The following KLHL21 variants were observed in gnomAD, a reference collection of about 807,000 sequenced individuals.
KLHL21 encodes the protein kelch like family member 21, also known as kelch-like protein 21.
In KLHL21, 42 loss-of-function variants were observed where a neutral mutation model predicts 44.1. That is an observed-to-expected ratio of 0.95 (90% CI 0.74 to 1.23). KLHL21 has a LOEUF of 1.23. KLHL21 is among the 50% of genes most tolerant of loss of function. The pLI, the probability that KLHL21 is intolerant of heterozygous loss-of-function variation, is 0.00. For missense variants in KLHL21, 918 were observed against 889.1 expected (o/e 1.03, Z -0.41); for synonymous variants, 524 against 411.6 (o/e 1.27, Z -3.31).
At position 6,602,451 on chromosome 1, in the gene KLHL21, C is replaced by A; in HGVS notation, c.367G>T (p.Glu123Ter). ...TGCTGCAGGAAGGCCCCGCACGCCTCCTTCACGGCCGGGAACTGCAGCAGG... is the reference window on the plus strand; with the variant it reads ...TGCTGCAGGAAGGCCCCGCACGCCTACTTCACGGCCGGGAACTGCAGCAGG... ...ADLLQFPAVK[E>*]ACGAFLQQQL... The change falls in exon 1 of 4, where the codon GAG (glutamate) becomes TAG (stop). Residue 123 changes from glutamate to a stop codon, truncating the protein, a stop_gained. Transcript: ENST00000377658. LOFTEE classifies it high-confidence loss of function. 6.3e-7 allele frequency: 1 copy of A among 1,583,786 alleles called. No individual in the cohort carries two copies. The highest frequency in any genetic ancestry group is 2.3e-5 in the East Asian group (1 of 43,336).
chr1:6,591,245 T>G lies in KLHL21; in HGVS notation c.*2120A>C, dbSNP rs1640845522. On this transcript the variant is annotated 3_prime_UTR_variant, in exon 4 of 4. Transcript: ENST00000377658. ...AAACCCAAAGACAGGGTCCTGATGG[T>G]GGAGACCTGGGTAGGTCCGGAGGAC... 2.7e-6 allele frequency: 1 copy of G among 370,274 alleles called. No individual in the cohort carries two copies. The highest frequency in any genetic ancestry group is 4.6e-5 in the Admixed American group (1 of 21,708). The allele number at this position is 370,274 out of a possible 1,614,324, so 22.9% of individuals were successfully genotyped here. A position where few individuals can be genotyped will look rare whatever the true frequency, so the allele number is the denominator to read the frequency against.
Position 6,602,129 on chromosome 1 carries a change from C to T in KLHL21, c.689G>A (p.Arg230His), listed in dbSNP as rs1171371320. ...LLEAVRLPFV[R>H]RFYLLAHVEA... is the part of the protein sequence containing the mutation. ...GACGTGCGCCAACAGGTAGAAGCGGCGCACGAAGGGCAGGCGCACGGCCTC... is the reference window on the plus strand; with the variant it reads ...GACGTGCGCCAACAGGTAGAAGCGGTGCACGAAGGGCAGGCGCACGGCCTC... Residue 230 changes from arginine (R) to histidine (H), a missense_variant, in exon 1 of 4, where the codon CGC becomes CAC. Physicochemically the swap from Arg to His is conservative, Grantham distance 29. Transcript: ENST00000377658. The T allele has an allele frequency of 2.1e-6, 3 of 1,431,086 alleles. No individual in the cohort carries two copies. Among genetic ancestry groups the T allele is most frequent in the Non-Finnish European group, 1.8e-6 (2 of 1,100,722 alleles). The allele number at this position is 1,431,086 out of a possible 1,614,324, so 88.6% of individuals were successfully genotyped here. A position where few individuals can be genotyped will look rare whatever the true frequency, so the allele number is the denominator to read the frequency against.
rs552573955 is a variant in KLHL21, at chr1:6,600,686, G to A, written c.1021+1111C>T. The stretch of plus-strand genomic sequence containing the variant: ...CTGCTCTGCTGGGACATTTATGGAA[G>A]GGTGTGCAGAAAGCTGGGGCCAGTG... On this transcript the variant is annotated intron_variant, in intron 1 of 3. Transcript: ENST00000377658. Among the ~76,000 whole-genome samples the A allele has an allele frequency of 2.0e-5, 3 of 152,374 alleles. No homozygotes were observed. The East Asian group carries it at 5.8e-4, about 29-fold the overall frequency.
intron 2 of KLHL21, among the ~76,000 whole-genome samples, chr1:6,597,847 G>A (rs1640948242): frequency 6.6e-6 from 1 of 152,270 alleles, no homozygotes. Context: ...TAGGCTGGGA[G>A]GGAGCAGCAG....
chr1:6,597,268 A>G (rs552645457), intron 2 of KLHL21, among the ~76,000 whole-genome samples: 53 of 152,272 alleles, frequency 3.5e-4, no homozygotes, highest in African/African-American at 1.2e-3. Flanking sequence ...GGGAAGGTTA[A>G]CCCAGCAGGC....
At position 6,593,393 on chromosome 1, in the gene KLHL21, G is replaced by C; in HGVS notation, c.1766C>G (p.Pro589Arg). ...SDDMDPGRPRPPRDPDELH is the reference protein window; with the variant it reads ...SDDMDPGRPRRPRDPDELH ...GTGCAGCTCATCGGGGTCCCGCGGCGGCCGGGGTCGGCCTGGGTCCATGTC... is the reference window on the plus strand; with the variant it reads ...GTGCAGCTCATCGGGGTCCCGCGGCCGCCGGGGTCGGCCTGGGTCCATGTC... Residue 589 changes from proline (P) to arginine (R), a missense_variant, in exon 4 of 4, where the codon CCG becomes CGG. Coordinates refer to ENST00000377658, the MANE Select transcript of KLHL21 (RefSeq NM_014851.4). 1 of 1,603,642 alleles carries C rather than the reference G, an allele frequency of 6.2e-7. No individual in the cohort carries two copies.
At position 6,596,703 on chromosome 1, in the gene KLHL21, C is replaced by T. The variant is rs183934587; in HGVS notation, c.1428-1146G>A. Reference sequence around the variant, plus strand: ...TGATGATGATGATTACACCCTGGAACCTGCTAGGCTGCCCTGTCTTTCCCC... The same window carrying T: ...TGATGATGATGATTACACCCTGGAATCTGCTAGGCTGCCCTGTCTTTCCCC... On this transcript the variant is annotated intron_variant, in intron 2 of 3. Transcript: ENST00000377658. Among the ~76,000 whole-genome samples, 305 of 152,340 alleles carry T rather than the reference C, an allele frequency of 2.0e-3. 2 individuals are homozygous for T. Among genetic ancestry groups the T allele is most frequent in the South Asian group, 0.019 (92 of 4,826 alleles).
chr1:6,599,532 G>T, intron 1 of KLHL21, 80 bp from the exon 2 acceptor site: 1 of 1,418,886 alleles, frequency 7.0e-7, no homozygotes, highest in Non-Finnish European at 9.5e-7. Context: ...TTCCGCAAGG[G>T]CCTCTGCCTT....
At chr1:6,595,428 G>T in intron 3 of KLHL21, 57 bp downstream of exon 3, 2 of 1,519,886 alleles carry the variant, frequency 1.3e-6, no homozygotes, top group Non-Finnish European at 1.8e-6. Context: ...GATGACACTT[G>T]GGTTGCAAAA....
chr1:6,599,808 T>TATC, intron 1 of KLHL21: 1 of 250,294 alleles, frequency 4.0e-6, no homozygotes, highest in Non-Finnish European at 7.7e-6. Flanking sequence ...CCACAGAGCT[T>TATC]GTCAGCAGGG....
At chr1:6,599,636 G>T in intron 1 of KLHL21, 184 bp from the exon 2 acceptor site, 1 of 630,518 alleles carries the variant, frequency 1.6e-6, no homozygotes, top group Non-Finnish European at 2.7e-6. Context: ...AGCACACGCT[G>T]ACCACTGTCC....
Position 6,602,753 on chromosome 1 carries a change from A to G in KLHL21, c.65T>C (p.Leu22Pro). Residue 22 changes from leucine (L) to proline (P), a missense_variant, in exon 1 of 4, where the codon CTG becomes CCG. Coordinates refer to ENST00000377658, the MANE Select transcript of KLHL21 (RefSeq NM_014851.4). ...GGCGCGCAGCTGGCTCAGGCCGCGC[A>G]GCAGGCTCAGGGCGTGCGCGGGGTC... is the stretch of plus-strand genomic sequence containing the variant. ...FSDPAHALSL[L>P]RGLSQLRAER... 1 of 1,510,042 alleles carries G rather than the reference A, an allele frequency of 6.6e-7. No homozygotes were observed. The highest frequency in any genetic ancestry group is 2.1e-5 in the Admixed American group (1 of 48,384). The allele number at this position is 1,510,042 out of a possible 1,614,324, so 93.5% of individuals were successfully genotyped here. A position where few individuals can be genotyped will look rare whatever the true frequency, so the allele number is the denominator to read the frequency against.
chr1:6,593,807 C>T, intron 3 of KLHL21, 149 bp from the exon 4 acceptor site: 1 of 1,379,486 alleles, frequency 7.2e-7, no homozygotes, highest in East Asian at 2.6e-5. Flanking sequence ...AGGCCAACCC[C>T]TTTCCAACAC....
intron 2 of KLHL21, among the ~76,000 whole-genome samples, chr1:6,595,785 C>G (rs528357295): frequency 1.3e-5 from 2 of 152,228 alleles, no homozygotes; most frequent in Non-Finnish European, 2.9e-5. Flanking sequence ...AACTCTCACT[C>G]CCAAACCTGA....
chr1:6,601,082 C>A (rs1195823446), intron 1 of KLHL21, among the ~76,000 whole-genome samples: 1 of 152,194 alleles, frequency 6.6e-6, no homozygotes, highest in African/African-American at 2.4e-5. Flanking sequence ...TCACAGAGAC[C>A]GCCCTTCCTC....
Position 6,602,683 on chromosome 1 carries a change from G to A in KLHL21, c.135C>T (p.Arg45=). 6.6e-7 allele frequency: 1 copy of A among 1,512,002 alleles called. No individual in the cohort carries two copies. Among genetic ancestry groups the A allele is most frequent in the Non-Finnish European group, 8.8e-7 (1 of 1,137,742 alleles). 93.7% of individuals were successfully genotyped at this position (1,512,002 alleles called of 1,614,324 possible). A position where few individuals can be genotyped will look rare whatever the true frequency, so the allele number is the denominator to read the frequency against. Residue 45 remains arginine (R), a synonymous_variant, in exon 1 of 4, where the codon CGC becomes CGT. Coordinates refer to ENST00000377658, the MANE Select transcript of KLHL21 (RefSeq NM_014851.4). ...GCACCGCACGGTGCGCCGGGAAGTC[G>A]CGCCCGCCCGCCGCCTCCAGGGTCA... ...LDVTLEAAGG[R]DFPAHRAVLA...
At chr1:6,600,427 CAGG>C (rs1457123536) in intron 1 of KLHL21, among the ~76,000 whole-genome samples, 1 of 152,214 alleles carries the variant, frequency 6.6e-6, no homozygotes, top group African/African-American at 2.4e-5. Flanking sequence ...TTAGAAACCC[CAGG>C]ACATGAAGGG....
rs200103163 is a variant in KLHL21 at position 6,599,176 on chromosome 1, T to C, written c.1298A>G (p.Lys433Arg). Reference sequence around the variant, plus strand: ...GTAGCACTGCATCACCATGGTCTCCTTGCCAGCCAGGGAGCCGATGGCATA... The same window carrying C: ...GTAGCACTGCATCACCATGGTCTCCCTGCCAGCCAGGGAGCCGATGGCATA... ...RLYAIGSLAG[K>R]ETMVMQCYDP... Residue 433 changes from lysine to arginine, a missense_variant, in exon 2 of 4, where the codon AAG becomes AGG. Coordinates refer to ENST00000377658, the MANE Select transcript of KLHL21 (RefSeq NM_014851.4). The C allele has an allele frequency of 9.9e-5, 160 of 1,614,078 alleles. No individual in the cohort carries two copies. The highest frequency in any genetic ancestry group is 1.3e-4 in the Non-Finnish European group (148 of 1,180,026).
intron 3 of KLHL21, chr1:6,595,188 G>A (rs1338671614): frequency 1.7e-6 from 1 of 576,872 alleles, no homozygotes; most frequent in Non-Finnish European, 3.1e-6. Flanking sequence ...CTCTGGAACA[G>A]GTGTCCCCAG....
Sources: allele counts gnomAD v4.1 joint callset (sites outside exome capture counted in the v4.1 genomes callset), GRCh38; gene constraint gnomAD v4.1.1; transcripts MANE v1.5; gene names NCBI Gene and HGNC (gene_info 2026-07-23, HGNC 2026-07-21).